Variants in MAPK10 observed in about 807,000 individuals in gnomAD.
MAPK10 encodes the protein mitogen-activated protein kinase 10.
Under a neutral mutation model 59.3 loss-of-function variants are expected in MAPK10, and 25 were observed. The observed-to-expected ratio is 0.42, with a 90% CI of 0.31 to 0.59. The LOEUF (loss-of-function observed/expected upper bound fraction) is 0.59. MAPK10 is among the 20% of genes least tolerant of loss of function. MAPK10 has a pLI of 0.15. For synonymous variants in MAPK10, 190 were observed against 200.5 expected (o/e 0.95, Z 0.44); for missense variants, 351 against 568.9 (o/e 0.62, Z 3.90).
intron 1 of MAPK10, among the ~76,000 whole-genome samples, chr4:86,387,560 G>A (rs1741644133): frequency 6.6e-6 from 1 of 152,128 alleles, no homozygotes; most frequent in South Asian, 2.1e-4. Flanking sequence ...GCAAGTCCCT[G>A]ACCACTTAAC....
chr4:86,406,891 A>T (rs1744433610), intron 1 of MAPK10, among the ~76,000 whole-genome samples: 2 of 152,196 alleles, frequency 1.3e-5, no homozygotes, highest in African/African-American at 4.8e-5. Flanking sequence ...GTAGTTAACA[A>T]CACATTTTCA....
intron 1 of MAPK10, among the ~76,000 whole-genome samples, chr4:86,495,007 C>T (rs1754768148): frequency 1.3e-5 from 2 of 151,858 alleles, no homozygotes; most frequent in South Asian, 4.2e-4. Flanking sequence ...GAAACCTTGG[C>T]CTTTTGGTTT....
At chr4:86,387,580 C>T (rs1741650384) in intron 1 of MAPK10, among the ~76,000 whole-genome samples, 1 of 152,290 alleles carries the variant, frequency 6.6e-6, no homozygotes, top group South Asian at 2.1e-4. Flanking sequence ...CTCTTAATAG[C>T]TGACGCTGCC....
At chr4:86,589,406 C>T (rs907814651) in intron 1 of MAPK10, among the ~76,000 whole-genome samples, 20 of 152,090 alleles carry the variant, frequency 1.3e-4, no homozygotes, top group Non-Finnish European at 2.6e-4. Context: ...TGTGAGCGGG[C>T]ACAATGGTCC....
intron 2 of MAPK10, among the ~76,000 whole-genome samples, chr4:86,222,054 A>G (rs2089755655): frequency 6.6e-6 from 1 of 152,124 alleles, no homozygotes; most frequent in Admixed American, 6.5e-5. Context: ...TCTTCCAGAC[A>G]TGTAAGACAT....
chr4:86,377,785 A>G (rs1029467946), intron 1 of MAPK10, among the ~76,000 whole-genome samples: 6 of 152,124 alleles, frequency 3.9e-5, no homozygotes, highest in African/African-American at 1.4e-4. Flanking sequence ...AACTAATGGA[A>G]TATATATATT....
At chr4:86,085,348 C>T (rs1424295839) in intron 9 of MAPK10, among the ~76,000 whole-genome samples, 1 of 152,102 alleles carries the variant, frequency 6.6e-6, no homozygotes, top group Admixed American at 6.6e-5. Context: ...AACTACTCAT[C>T]TGACAAGGAA....
chr4:86,059,243 G>T (rs951283955), intron 11 of MAPK10, among the ~76,000 whole-genome samples: 19 of 152,174 alleles, frequency 1.2e-4, no homozygotes, highest in Admixed American at 9.8e-4. Flanking sequence ...TAGTAACTCT[G>T]CTCACAGGGC....
At chr4:86,395,151 G>A (rs984780694) in intron 1 of MAPK10, among the ~76,000 whole-genome samples, 5 of 152,192 alleles carry the variant, frequency 3.3e-5, no homozygotes, top group Admixed American at 3.3e-4. Context: ...GCTCAGACTT[G>A]CATACAAAAG....
At chr4:86,537,938 G>T (rs1375016637) in intron 1 of MAPK10, among the ~76,000 whole-genome samples, 4 of 152,006 alleles carry the variant, frequency 2.6e-5, no homozygotes, top group Non-Finnish European at 5.9e-5. Context: ...TGTTCTAAAA[G>T]TTCCAAAGTT....
In MAPK10 at chr4:86,273,078, G is replaced by A. The variant is rs143702120; in HGVS notation, c.-6-78671C>T. 5.8e-3 allele frequency among the ~76,000 whole-genome samples: 886 copies of A among 152,092 alleles called. 8 individuals are homozygous for A. The highest frequency in any genetic ancestry group is 0.02 in the African/African-American group (834 of 41,502). Reference sequence around the variant, plus strand: ...AAATAAAATAAGGAAAAACTAAGGTGACAACATTTAATTATGGAATCTCAC... The same window carrying A: ...AAATAAAATAAGGAAAAACTAAGGTAACAACATTTAATTATGGAATCTCAC... On this transcript the variant is annotated intron_variant, in intron 2 of 13. Coordinates refer to ENST00000641462, the MANE Select transcript of MAPK10 (RefSeq NM_138982.4).
At chr4:86,129,817 C>T (rs1381806673) in intron 4 of MAPK10, among the ~76,000 whole-genome samples, 2 of 152,078 alleles carry the variant, frequency 1.3e-5, no homozygotes, top group African/African-American at 4.8e-5. Context: ...AGGCAGCAAA[C>T]ATTAATAAGC....
At chr4:86,408,495 G>T (rs1744676443) in intron 1 of MAPK10, among the ~76,000 whole-genome samples, 1 of 152,110 alleles carries the variant, frequency 6.6e-6, no homozygotes, top group Non-Finnish European at 1.5e-5. Flanking sequence ...CACAATGGTT[G>T]AACTAATTTA....
At chr4:86,206,566 T>A (rs1276534884) in intron 2 of MAPK10, among the ~76,000 whole-genome samples, 1 of 152,176 alleles carries the variant, frequency 6.6e-6, no homozygotes, top group Non-Finnish European at 1.5e-5. Context: ...TACCCAGTAA[T>A]GGGATGGCTG....
intron 1 of MAPK10, among the ~76,000 whole-genome samples, chr4:86,424,609 G>T (rs1262424646): frequency 1.3e-5 from 2 of 151,930 alleles, no homozygotes; most frequent in East Asian, 3.9e-4. Context: ...TCTCAATTTG[G>T]GCTTCACCCT....
chr4:86,116,587 GAAAATCCCACCCT>G (rs2058327156), intron 4 of MAPK10, among the ~76,000 whole-genome samples: 1 of 152,184 alleles, frequency 6.6e-6, no homozygotes, highest in Non-Finnish European at 1.5e-5. Context: ...GAATAACTGA[GAAAATCCCACCCT>G]GTGGGGTTTC....
At chr4:86,047,517 T>A (rs1310132830) in intron 11 of MAPK10, among the ~76,000 whole-genome samples, 3 of 152,180 alleles carry the variant, frequency 2.0e-5, no homozygotes, top group Non-Finnish European at 4.4e-5. Flanking sequence ...AGTAGAGCCA[T>A]GTTTTCCAAA....
chr4:86,403,983 C>T (rs867996146), intron 1 of MAPK10, among the ~76,000 whole-genome samples: 2 of 152,120 alleles, frequency 1.3e-5, no homozygotes, highest in Admixed American at 1.3e-4. Flanking sequence ...TGTTTGTTTA[C>T]CCTCCCAAGG....
intron 4 of MAPK10, among the ~76,000 whole-genome samples, chr4:86,113,866 G>A (rs976012753): frequency 1.3e-5 from 2 of 152,028 alleles, no homozygotes; most frequent in South Asian, 4.1e-4. Flanking sequence ...TCATATGTTC[G>A]GTCTTTTTAC....
Sources: gnomAD v4.1 joint callset for allele counts (sites outside exome capture counted in the v4.1 genomes callset) on GRCh38, gnomAD v4.1.1 for gene constraint, MANE v1.5 for transcripts, NCBI Gene and HGNC (gene_info 2026-07-23, HGNC 2026-07-21) for gene names.